Variants in BRAF observed in about 807,000 individuals in gnomAD.
BRAF encodes the protein B-Raf proto-oncogene, serine/threonine kinase, also known as serine/threonine-protein kinase B-raf.
Under a neutral mutation model 104.6 loss-of-function variants are expected in BRAF, and 16 were observed. That is an observed-to-expected ratio of 0.15 (90% confidence interval 0.10 to 0.23). BRAF has a LOEUF of 0.23. BRAF is among the 10% of genes least tolerant of loss of function. The pLI is 1.00. For missense variants in BRAF, 541 were observed against 937.3 expected (o/e 0.58, Z 5.52); for synonymous variants, 310 against 341.6 (o/e 0.91, Z 1.02).
At chr7:140,913,050 G>A (rs900899361) in intron 1 of BRAF, among the ~76,000 whole-genome samples, 7 of 152,156 alleles carry the variant, frequency 4.6e-5, no homozygotes, top group African/African-American at 1.7e-4. Flanking sequence ...TATCTGAAAT[G>A]CCTCCTCCTC....
At chr7:140,808,201 G>A in intron 4 of BRAF, 139 bp from the exon 5 acceptor site, 1 of 710,452 alleles carries the variant, frequency 1.4e-6, no homozygotes, top group Non-Finnish European at 2.6e-6. Flanking sequence ...TCCATCGTTA[G>A]AAATTTAAAT....
At chr7:140,885,077 C>T (rs976574587) in intron 1 of BRAF, among the ~76,000 whole-genome samples, 2 of 152,188 alleles carry the variant, frequency 1.3e-5, no homozygotes, top group East Asian at 3.8e-4. Context: ...TCTCAGCTCA[C>T]TTCAACCTTG....
At chr7:140,863,311 T>C (rs1349412960) in intron 1 of BRAF, among the ~76,000 whole-genome samples, 1 of 152,164 alleles carries the variant, frequency 6.6e-6, no homozygotes, top group Non-Finnish European at 1.5e-5. Context: ...AAAAGCCATG[T>C]TTCCAACTAG....
At chr7:140,767,865 G>A (rs1799476671) in intron 14 of BRAF, among the ~76,000 whole-genome samples, 1 of 152,056 alleles carries the variant, frequency 6.6e-6, no homozygotes, top group Admixed American at 6.6e-5. Context: ...AGTAAATGAG[G>A]TAATGTATAT....
chr7:140,841,736 T>C (rs1807990822), intron 2 of BRAF, among the ~76,000 whole-genome samples: 1 of 152,142 alleles, frequency 6.6e-6, no homozygotes, highest in Non-Finnish European at 1.5e-5. Flanking sequence ...CTGCAGGGAA[T>C]GACTACTAAT....
chr7:140,758,665 G>C (rs1798403480), intron 14 of BRAF, among the ~76,000 whole-genome samples: 1 of 152,112 alleles, frequency 6.6e-6, no homozygotes, highest in African/African-American at 2.4e-5. Context: ...ATGTTGCCCA[G>C]GCTGGTCTTG....
At chr7:140,888,992 A>T (rs1196421147) in intron 1 of BRAF, among the ~76,000 whole-genome samples, 2 of 152,208 alleles carry the variant, frequency 1.3e-5, no homozygotes, top group Admixed American at 1.3e-4. Flanking sequence ...AACATCCTAC[A>T]ATACATAGTA....
At chr7:140,860,125 G>T (rs1002691239) in intron 1 of BRAF, among the ~76,000 whole-genome samples, 1 of 152,148 alleles carries the variant, frequency 6.6e-6, no homozygotes, top group African/African-American at 2.4e-5. Flanking sequence ...AAAGCCCAAA[G>T]AGACAGAATA....
intron 19 of BRAF, among the ~76,000 whole-genome samples, chr7:140,727,868 G>A (rs949406370): frequency 9.9e-5 from 15 of 151,972 alleles, no homozygotes; most frequent in Non-Finnish European, 1.5e-4. Context: ...TGATCCGCCC[G>A]CCTTGGCCTC....
At chr7:140,742,649 C>A (rs1797022781) in intron 17 of BRAF, among the ~76,000 whole-genome samples, 1 of 152,176 alleles carries the variant, frequency 6.6e-6, no homozygotes, top group Non-Finnish European at 1.5e-5. Flanking sequence ...TACCACTTTA[C>A]AAAAGGCACA....
intron 1 of BRAF, among the ~76,000 whole-genome samples, chr7:140,917,427 A>G (rs1817744306): frequency 1.3e-5 from 2 of 152,156 alleles, no homozygotes; most frequent in African/African-American, 4.8e-5. Flanking sequence ...AGATCAGACC[A>G]GTGTTTGCCA....
rs727502903 is a variant in BRAF at position 140,734,590 on chromosome 7, A to G, written c.2401+27T>C. 2.2e-5 allele frequency: 35 copies of G among 1,613,758 alleles called. No individual in the cohort carries two copies. The highest frequency in any genetic ancestry group is 2.8e-5 in the Non-Finnish European group (33 of 1,179,974). ...GCTACTCTCCTGAACTCTCTCACTC[A>G]TTTGTTTCAGTGGACAGGAAACGCA... On this transcript the variant is annotated intron_variant, in intron 19 of 19. Coordinates refer to ENST00000644969, the MANE Select transcript of BRAF (RefSeq NM_001374258.1).
chr7:140,777,164 G>A (rs1800416386), intron 13 of BRAF, 76 bp from the exon 13 acceptor site: 1 of 1,462,256 alleles, frequency 6.8e-7, no homozygotes, highest in African/African-American at 1.4e-5. Flanking sequence ...AACCAAAGTA[G>A]TCTGTCGGTA....
At chr7:140,754,598 C>T (rs982526924) in intron 14 of BRAF, among the ~76,000 whole-genome samples, 1 of 152,164 alleles carries the variant, frequency 6.6e-6, no homozygotes, top group African/African-American at 2.4e-5. Context: ...ACCCAACCCT[C>T]CAAGTTAGCT....
At chr7:140,757,322 A>G (rs537626337) in intron 14 of BRAF, among the ~76,000 whole-genome samples, 47 of 151,466 alleles carry the variant, frequency 3.1e-4, no homozygotes, top group Non-Finnish European at 6.5e-4. Context: ...ACAGAGTCTC[A>G]CTCTGTCACC....
chr7:140,785,038 T>C (rs1801217972), intron 10 of BRAF, among the ~76,000 whole-genome samples: 1 of 152,218 alleles, frequency 6.6e-6, no homozygotes, highest in South Asian at 2.1e-4. Context: ...CTTTCTTCTA[T>C]TAGGACATAA....
chr7:140,816,518 A>G (rs1562974371), intron 3 of BRAF, among the ~76,000 whole-genome samples: 1 of 152,232 alleles, frequency 6.6e-6, no homozygotes, highest in East Asian at 1.9e-4. Context: ...TTCCTGCTTG[A>G]TTATAGCATA....
chr7:140,885,898 T>C (rs1420351587), intron 1 of BRAF, among the ~76,000 whole-genome samples: 2 of 152,186 alleles, frequency 1.3e-5, no homozygotes, highest in Non-Finnish European at 2.9e-5. Flanking sequence ...TAAACAATCA[T>C]CAGTGGCATC....
intron 14 of BRAF, among the ~76,000 whole-genome samples, chr7:140,760,703 T>A (rs2129004940): frequency 6.6e-6 from 1 of 151,526 alleles, no homozygotes; most frequent in East Asian, 1.9e-4. Flanking sequence ...AAGGAGCTGA[T>A]GGGGCTGAAA....
Sources: gnomAD v4.1 joint callset for allele counts (sites outside exome capture counted in the v4.1 genomes callset) on GRCh38, gnomAD v4.1.1 for gene constraint, MANE v1.5 for transcripts, NCBI Gene and HGNC (gene_info 2026-07-23, HGNC 2026-07-21) for gene names.